Variants in ENOX1 observed in about 807,000 individuals in gnomAD.
ENOX1 encodes the protein ecto-NOX disulfide-thiol exchanger 1.
Under a neutral mutation model 82.5 loss-of-function variants are expected in ENOX1, and 42 were observed. That is an observed-to-expected ratio of 0.51 (90% CI 0.40 to 0.66). The LOEUF is 0.66. Among genes scored for constraint, ENOX1 ranks in the 30% least tolerant of loss-of-function variants. ENOX1 has a pLI of 0.00. For missense variants in ENOX1, 608 were observed against 811.6 expected (o/e 0.75, Z 3.05); for synonymous variants, 271 against 282.2 (o/e 0.96, Z 0.40).
chr13:43,588,073 T>G (rs2081075470), intron 2 of ENOX1, among the ~76,000 whole-genome samples: 1 of 152,226 alleles, frequency 6.6e-6, no homozygotes, highest in Admixed American at 6.5e-5. Context: ...TGAAACGGGA[T>G]AAGCTTAGCA....
At chr13:43,296,618 T>G (rs2046299963) in intron 12 of ENOX1, among the ~76,000 whole-genome samples, 1 of 152,218 alleles carries the variant, frequency 6.6e-6, no homozygotes, top group African/African-American at 2.4e-5. Context: ...AGAAGCTCCC[T>G]TAACTGAATC....
rs137855171 is a variant in ENOX1 at position 43,550,658 on chromosome 13, C to T, written c.-218-66506G>A. Among the ~76,000 whole-genome samples the T allele has an allele frequency of 5.9e-5, 9 of 152,202 alleles. No individual in the cohort carries two copies. The East Asian group carries it at 1.7e-3, about 29-fold the overall frequency. On this transcript the variant is annotated intron_variant, in intron 2 of 16. Transcript: ENST00000690772. ...TCTGAGAGGGTTAAATTATTACTGG[C>T]CCAATTTATAGGTGAGAAAACAGTG... is the stretch of plus-strand genomic sequence containing the variant.
At chr13:43,461,490 G>C (rs971730671) in intron 3 of ENOX1, among the ~76,000 whole-genome samples, 1 of 152,110 alleles carries the variant, frequency 6.6e-6, no homozygotes. Flanking sequence ...AGGCACCGTG[G>C]GGTATAATGA....
At chr13:43,478,944 C>CGGGGGAGAAATTCCCCAAGTCTTT in intron 3 of ENOX1, among the ~76,000 whole-genome samples, 1 of 151,032 alleles carries the variant, frequency 6.6e-6, no homozygotes, top group East Asian at 1.9e-4. Context: ...AGAGCCATTT[C>CGGGGGAGAAATTCCCCAAGTCTTT]GGGGGAGAAA....
intron 5 of ENOX1, among the ~76,000 whole-genome samples, chr13:43,382,389 ACT>A (rs2052112493): frequency 1.3e-5 from 2 of 152,170 alleles, no homozygotes; most frequent in Non-Finnish European, 2.9e-5. Context: ...ATATGATCAT[ACT>A]TAAAATGGTA....
intron 1 of ENOX1, among the ~76,000 whole-genome samples, chr13:43,745,002 A>T (rs1415525541): frequency 6.6e-6 from 1 of 152,244 alleles, no homozygotes; most frequent in East Asian, 1.9e-4. Context: ...ACTGGAAAAC[A>T]TTCACTTGCA....
chr13:43,294,327 C>T (rs889722898), intron 12 of ENOX1, among the ~76,000 whole-genome samples: 2 of 152,186 alleles, frequency 1.3e-5, no homozygotes, highest in Non-Finnish European at 2.9e-5. Context: ...AAAAAGAATT[C>T]TGATTTTTAA....
At chr13:43,380,019 C>A (rs968712801) in intron 5 of ENOX1, among the ~76,000 whole-genome samples, 8 of 151,688 alleles carry the variant, frequency 5.3e-5, no homozygotes, top group African/African-American at 9.7e-5. Context: ...CTTTAAAGAA[C>A]TGAAATTAAA....
chr13:43,225,775 A>C (rs533287339), intron 15 of ENOX1, among the ~76,000 whole-genome samples: 1 of 152,328 alleles, frequency 6.6e-6, no homozygotes, highest in Admixed American at 6.5e-5. Context: ...ACCTATCCTC[A>C]GAATGTTGCT....
chr13:43,434,937 G>GTTTGT (rs1555273075), intron 3 of ENOX1, among the ~76,000 whole-genome samples: 2 of 75,900 alleles, frequency 2.6e-5, no homozygotes, highest in African/African-American at 5.3e-5. Flanking sequence ...TGTGTGTGTG[G>GTTTGT]TTTTTTTTTT....
chr13:43,247,402 G>A (rs907916715), intron 14 of ENOX1, among the ~76,000 whole-genome samples: 6 of 152,194 alleles, frequency 3.9e-5, no homozygotes, highest in Admixed American at 2.6e-4. Flanking sequence ...GCTGGAAATA[G>A]GGAAGATGAG....
At chr13:43,363,486 G>A (rs1420532417) in intron 5 of ENOX1, among the ~76,000 whole-genome samples, 1 of 152,056 alleles carries the variant, frequency 6.6e-6, no homozygotes, top group Non-Finnish European at 1.5e-5. Flanking sequence ...AGAACAGAAT[G>A]GTTTTCAACA....
intron 3 of ENOX1, among the ~76,000 whole-genome samples, chr13:43,448,149 T>C (rs557452237): frequency 1.3e-5 from 2 of 152,372 alleles, no homozygotes; most frequent in South Asian, 4.1e-4. Flanking sequence ...TTTATCAGCA[T>C]TTGTCAATTA....
chr13:43,215,646 A>G (rs2153447936), intron 16 of ENOX1, among the ~76,000 whole-genome samples: 1 of 152,286 alleles, frequency 6.6e-6, no homozygotes, highest in Non-Finnish European at 1.5e-5. Flanking sequence ...GGGTTCTTTC[A>G]TGGGTTGGGG....
At chr13:43,495,469 T>C (rs749080414) in intron 2 of ENOX1, among the ~76,000 whole-genome samples, 2 of 152,120 alleles carry the variant, frequency 1.3e-5, no homozygotes, top group Non-Finnish European at 2.9e-5. Context: ...AATGTAATGA[T>C]TATAATTCTT....
At chr13:43,333,164 C>T (rs1030660396) in intron 9 of ENOX1, among the ~76,000 whole-genome samples, 2 of 152,052 alleles carry the variant, frequency 1.3e-5, no homozygotes, top group Non-Finnish European at 2.9e-5. Flanking sequence ...TTCTGAAATC[C>T]TTACATAAAT....
intron 5 of ENOX1, among the ~76,000 whole-genome samples, chr13:43,387,789 C>T (rs564722128): frequency 4.0e-5 from 6 of 151,740 alleles, no homozygotes; most frequent in African/African-American, 1.5e-4. Context: ...CATATATATA[C>T]ATATATAAAC....
chr13:43,531,539 A>G lies in ENOX1; in HGVS notation c.-218-47387T>C, dbSNP rs1457697097. Among the ~76,000 whole-genome samples the G allele has an allele frequency of 3.4e-5, 5 of 149,170 alleles. No individual in the cohort carries two copies. The Admixed American group carries it at 3.4e-4, about 10-fold the overall frequency. ...GGCAATTCCTCAGGGATCTAGAACT[A>G]GAAATACCATTTGACCCAGCCATCC... On this transcript the variant is annotated intron_variant, in intron 2 of 16. Coordinates refer to ENST00000690772, the MANE Select transcript of ENOX1 (RefSeq NM_001347969.2).
intron 9 of ENOX1, among the ~76,000 whole-genome samples, chr13:43,336,865 A>G (rs1050653561): frequency 6.6e-6 from 1 of 152,214 alleles, no homozygotes; most frequent in Non-Finnish European, 1.5e-5. Context: ...TTAGTGGTCA[A>G]ACTTGGATTA....
Sources: gnomAD v4.1 joint callset for allele counts (sites outside exome capture counted in the v4.1 genomes callset) on GRCh38, gnomAD v4.1.1 for gene constraint, MANE v1.5 for transcripts, NCBI Gene and HGNC (gene_info 2026-07-23, HGNC 2026-07-21) for gene names.